Variants in GALNT13 observed in about 807,000 individuals in gnomAD.
GALNT13 encodes the protein polypeptide N-acetylgalactosaminyltransferase 13, also known as UDP-GalNAc:polypeptide N-acetylgalactosaminyltransferase 13.
A neutral mutation model predicts 64.2 loss-of-function variants in GALNT13; 28 were observed. That is an observed-to-expected ratio of 0.44 (90% confidence interval 0.32 to 0.60). GALNT13 has a LOEUF of 0.60. GALNT13 is among the 20% of genes least tolerant of loss of function. The pLI, the probability that GALNT13 is intolerant of heterozygous loss-of-function variation, is 0.05. For missense variants in GALNT13, 577 were observed against 669.8 expected, an observed-to-expected ratio of 0.86 and a Z score of 1.53; for synonymous variants, 214 against 224.6, an observed-to-expected ratio of 0.95 and a Z score of 0.42.
the GALNT13 span, among the ~76,000 whole-genome samples, chr2:153,751,757 TG>T: frequency 4.6e-5 from 7 of 152,034 alleles, 1 homozygote; most frequent in African/African-American, 9.6e-5. Context: ...AATAGATCAA[TG>T]GGTCTTGTTT....
chr2:154,035,915 T>C (rs1317569026), intron 3 of GALNT13, among the ~76,000 whole-genome samples: 2 of 152,000 alleles, frequency 1.3e-5, no homozygotes, highest in Non-Finnish European at 2.9e-5. Flanking sequence ...TATTTCCATG[T>C]CTAATATTGT....
At chr2:153,544,790 G>T in the GALNT13 span, among the ~76,000 whole-genome samples, 1 of 152,186 alleles carries the variant, frequency 6.6e-6, no homozygotes, top group Non-Finnish European at 1.5e-5. Flanking sequence ...GAAGTATGTA[G>T]TTATTTTTAA....
chr2:154,367,076 A>G (rs985156802), intron 9 of GALNT13, among the ~76,000 whole-genome samples: 11 of 152,146 alleles, frequency 7.2e-5, no homozygotes, highest in Non-Finnish European at 1.5e-4. Context: ...CCTTTTTTAA[A>G]AAAAAATTGA....
the GALNT13 span, among the ~76,000 whole-genome samples, chr2:153,335,457 C>G: frequency 2.0e-5 from 3 of 152,128 alleles, no homozygotes; most frequent in Admixed American, 6.5e-5. Flanking sequence ...AGATGAGGAA[C>G]TTGTTGGGAA....
At chr2:153,570,227 T>C in the GALNT13 span, among the ~76,000 whole-genome samples, 1 of 152,142 alleles carries the variant, frequency 6.6e-6, no homozygotes, top group Non-Finnish European at 1.5e-5. Context: ...TATGCCTGTT[T>C]GCCATTTGGA....
At chr2:154,367,588 A>T (rs1261206197) in intron 9 of GALNT13, among the ~76,000 whole-genome samples, 1 of 152,182 alleles carries the variant, frequency 6.6e-6, no homozygotes, top group Non-Finnish European at 1.5e-5. Flanking sequence ...ATAAAATAAC[A>T]ATAGAATTGG....
the GALNT13 span, among the ~76,000 whole-genome samples, chr2:153,347,215 G>A: frequency 6.6e-6 from 1 of 152,182 alleles, no homozygotes; most frequent in Admixed American, 6.5e-5. Context: ...GCTTCTCCAG[G>A]GGCAGAAGAT....
At chr2:154,291,445 G>C (rs957809867) in intron 8 of GALNT13, among the ~76,000 whole-genome samples, 16 of 152,146 alleles carry the variant, frequency 1.1e-4, no homozygotes, top group Non-Finnish European at 2.9e-5. Context: ...AAGTTCTCCA[G>C]GTCCCCACCC....
chr2:153,672,716 A>T, the GALNT13 span, among the ~76,000 whole-genome samples: 1 of 152,060 alleles, frequency 6.6e-6, no homozygotes, highest in African/African-American at 2.4e-5. Context: ...GCAGAACTGA[A>T]GTGGTGGATA....
intron 2 of GALNT13, among the ~76,000 whole-genome samples, chr2:153,922,433 A>G (rs1482781723): frequency 6.6e-6 from 1 of 152,202 alleles, no homozygotes; most frequent in African/African-American, 2.4e-5. Flanking sequence ...TTGATCTTGA[A>G]GCTTTATACC....
At chr2:153,514,897 TACAG>T in the GALNT13 span, among the ~76,000 whole-genome samples, 1 of 152,100 alleles carries the variant, frequency 6.6e-6, no homozygotes, top group Non-Finnish European at 1.5e-5. Flanking sequence ...GGGAAGAGCA[TACAG>T]ACAGAATGTT....
intron 1 of GALNT13, among the ~76,000 whole-genome samples, chr2:153,896,273 T>G (rs1687890705): frequency 6.6e-6 from 1 of 150,840 alleles, no homozygotes; most frequent in Admixed American, 6.6e-5. Context: ...TGCTTAATTT[T>G]CTGACTATAA....
rs72869245 is a variant in GALNT13 at position 154,223,285 on chromosome 2, T to C, written c.312-18745T>C. ...TTAAATAAACACACACCATGTTTCA[T>C]ACAGCTAAATGTAAGAGATAGCAGT... On this transcript the variant is annotated intron_variant, in intron 4 of 12. Coordinates refer to ENST00000392825, the MANE Select transcript of GALNT13 (RefSeq NM_052917.4). 2.0e-3 allele frequency among the ~76,000 whole-genome samples: 305 copies of C among 152,232 alleles called. 1 individual carries two copies. The highest frequency in any genetic ancestry group is 3.5e-3 in the South Asian group (17 of 4,828).
At chr2:153,543,578 A>G in the GALNT13 span, among the ~76,000 whole-genome samples, 2 of 152,208 alleles carry the variant, frequency 1.3e-5, no homozygotes, top group Admixed American at 6.5e-5. Context: ...TGCTTCAGAA[A>G]GTTTCTCAGA....
the GALNT13 span, among the ~76,000 whole-genome samples, chr2:153,278,071 C>T: frequency 2.8e-4 from 42 of 151,094 alleles, no homozygotes; most frequent in East Asian, 6.1e-3. Flanking sequence ...AGACTACAGG[C>T]GCCCGCCACC....
At chr2:154,381,514 G>C (rs562179957) in intron 9 of GALNT13, among the ~76,000 whole-genome samples, 38 of 152,104 alleles carry the variant, frequency 2.5e-4, no homozygotes, top group South Asian at 1.0e-3. Flanking sequence ...AAGCTGATGA[G>C]GAAAGAAACT....
At chr2:153,963,729 CTCTGTGTGTGTGTGTGTGTGTG>C (rs1475457451) in intron 3 of GALNT13, among the ~76,000 whole-genome samples, 20 of 117,240 alleles carry the variant, frequency 1.7e-4, no homozygotes, top group Middle Eastern at 4.7e-3. Flanking sequence ...CTCTCTCTCT[CTCTGTGTGTGTGTGTGTGTGTG>C]TGTGTGTGTG....
chr2:153,370,611 G>A, the GALNT13 span: 1 of 152,126 alleles, frequency 6.6e-6, no homozygotes, highest in South Asian at 2.1e-4. Context: ...TTGTCACAAA[G>A]ATGTCACTAA....
At chr2:154,355,563 T>C (rs991483501) in intron 9 of GALNT13, among the ~76,000 whole-genome samples, 17 of 152,094 alleles carry the variant, frequency 1.1e-4, no homozygotes, top group South Asian at 6.2e-4. Flanking sequence ...GGGACTAAGA[T>C]ATAATATGAT....
Sources: allele counts gnomAD v4.1 joint callset (sites outside exome capture counted in the v4.1 genomes callset), GRCh38; gene constraint gnomAD v4.1.1; transcripts MANE v1.5; gene names NCBI Gene and HGNC (gene_info 2026-07-23, HGNC 2026-07-21).